The following FRY variants were observed in gnomAD, a reference collection of about 807,000 sequenced individuals.
FRY encodes protein furry homolog.
A neutral mutation model predicts 348.4 loss-of-function variants in FRY; 128 were observed. That is an observed-to-expected ratio of 0.37 (90% CI 0.32 to 0.43). The LOEUF (loss-of-function observed/expected upper bound fraction) is 0.43. Among genes scored for constraint, FRY ranks in the 20% least tolerant of loss-of-function variants. The pLI is 1.00. For synonymous variants in FRY, 1,370 were observed against 1,374.7 expected, an observed-to-expected ratio of 1.00 and a Z score of 0.08; for missense variants, 2,736 against 3,695.2, an observed-to-expected ratio of 0.74 and a Z score of 6.73.
At chr13:32,187,143 C>T (rs983943292) in intron 27 of FRY, among the ~76,000 whole-genome samples, 1 of 152,020 alleles carries the variant, frequency 6.6e-6, no homozygotes, top group South Asian at 2.1e-4. Context: ...CAGTTCAATA[C>T]GTTAGTCCAA....
chr13:32,193,298 C>T (rs548864951), intron 28 of FRY, among the ~76,000 whole-genome samples: 7 of 151,832 alleles, frequency 4.6e-5, no homozygotes, highest in African/African-American at 1.2e-4. Flanking sequence ...AACCAATCCT[C>T]ATAATCATAT....
At chr13:32,166,673 T>C (rs1446335977) in intron 17 of FRY, among the ~76,000 whole-genome samples, 1 of 150,628 alleles carries the variant, frequency 6.6e-6, no homozygotes, top group African/African-American at 2.4e-5. Context: ...GGCAGCCCTC[T>C]GCTTATATGC....
chr13:32,122,540 T>C (rs1022464496), intron 4 of FRY, among the ~76,000 whole-genome samples: 11 of 151,372 alleles, frequency 7.3e-5, no homozygotes, highest in African/African-American at 2.7e-4. Context: ...CATAACTTAA[T>C]GTAATAAAAG....
At chr13:32,195,258 G>A (rs1299633745) in intron 29 of FRY, among the ~76,000 whole-genome samples, 1 of 129,748 alleles carries the variant, frequency 7.7e-6, no homozygotes, top group Non-Finnish European at 1.7e-5. Context: ...ATTTTAATAT[G>A]CATAAAAGTT....
chr13:32,182,955 A>G lies in FRY; in HGVS notation c.2997-22A>G, dbSNP rs753191105. On this transcript the variant is annotated intron_variant, in intron 23 of 60. Coordinates refer to ENST00000542859, the MANE Select transcript of FRY (RefSeq NM_023037.3). ...TGGTGTCAAAAACAATGAATTTCAA[A>G]TTTGACCTTTTTCCTCCACAGAGAA... 3.2e-6 allele frequency: 5 copies of G among 1,539,136 alleles called. No individual in the cohort carries two copies. The East Asian group carries it at 1.1e-4, about 35-fold the overall frequency.
chr13:32,103,333 G>T (rs1204703781), intron 3 of FRY, among the ~76,000 whole-genome samples: 1 of 152,216 alleles, frequency 6.6e-6, no homozygotes, highest in Non-Finnish European at 1.5e-5. Context: ...GATGTTTGGG[G>T]TTACCATTTT....
chr13:32,275,572 TG>T (rs1888495134), intron 56 of FRY, among the ~76,000 whole-genome samples: 1 of 152,224 alleles, frequency 6.6e-6, no homozygotes. Context: ...TGATCTCTGA[TG>T]ACTCTGACTT....
chr13:32,162,770 C>G (rs1881524843), intron 17 of FRY, among the ~76,000 whole-genome samples: 4 of 152,184 alleles, frequency 2.6e-5, no homozygotes, highest in Admixed American at 2.6e-4. Context: ...CATCAGCAGC[C>G]TTCCAGCCGT....
chr13:32,188,401 G>A (rs1316625993), intron 28 of FRY, among the ~76,000 whole-genome samples: 1 of 152,064 alleles, frequency 6.6e-6, no homozygotes, highest in African/African-American at 2.4e-5. Flanking sequence ...AGCCAAATCA[G>A]AACTGTAAGA....
intron 27 of FRY, 84 bp downstream of exon 27, chr13:32,186,504 T>G: frequency 1.1e-6 from 1 of 888,808 alleles, no homozygotes; most frequent in Non-Finnish European, 1.9e-6. Context: ...AAAAATAAGC[T>G]TAAAATAAAT....
At chr13:32,251,769 T>G (rs2138510570) in intron 49 of FRY, 109 bp from the exon 50 acceptor site, 1 of 757,788 alleles carries the variant, frequency 1.3e-6, no homozygotes, top group Non-Finnish European at 2.5e-6. Context: ...TACATTTCAT[T>G]CTGTCTATAC....
intron 11 of FRY, among the ~76,000 whole-genome samples, chr13:32,141,815 G>C (rs778910591): frequency 6.6e-6 from 1 of 152,184 alleles, no homozygotes; most frequent in East Asian, 1.9e-4. Context: ...CATGTTATTA[G>C]ATAGGCTGAC....
intron 58 of FRY, among the ~76,000 whole-genome samples, chr13:32,281,027 C>T (rs1304305888): frequency 4.6e-5 from 7 of 152,156 alleles, no homozygotes; most frequent in African/African-American, 4.8e-5. Context: ...ATTTCCTATT[C>T]GTGCACCTCT....
In FRY at chr13:32,244,164, A is replaced by G. The variant is rs781490698; in HGVS notation, c.6810A>G (p.Thr2270=). Residue 2270 remains threonine, a synonymous_variant, in exon 47 of 61, where the codon ACA becomes ACG. Transcript: ENST00000542859. ...AGTTCAATGTGGAAGTTCTGAAGAC[A>G]ATTGAAAAATATGTGCAAGTGAGTA... ...VKQFNVEVLK[T]IEKYVQSVHW... 1 of 1,613,888 alleles carries G rather than the reference A, an allele frequency of 6.2e-7. No homozygotes were observed. Among genetic ancestry groups the G allele is most frequent in the East Asian group, 2.2e-5 (1 of 44,880 alleles).
chr13:32,202,133 C>T, intron 30 of FRY, 93 bp downstream of exon 30: 1 of 871,932 alleles, frequency 1.1e-6, no homozygotes, highest in Non-Finnish European at 2.0e-6. Context: ...TATTGATAGG[C>T]CTTTGTTTAT....
chr13:32,204,319 AG>A (rs1212599802), intron 31 of FRY, among the ~76,000 whole-genome samples: 3 of 53,896 alleles, frequency 5.6e-5, no homozygotes, highest in African/African-American at 2.2e-4. Flanking sequence ...ATTGTTTTAC[AG>A]ATGAGATGAG....
chr13:32,250,190 C>G (rs1887005632), intron 49 of FRY, among the ~76,000 whole-genome samples: 1 of 152,214 alleles, frequency 6.6e-6, no homozygotes, highest in Admixed American at 6.5e-5. Context: ...CTGCCAGATT[C>G]TCTGTAGTTC....
At chr13:32,046,156 T>A (rs1020666017) in intron 1 of FRY, among the ~76,000 whole-genome samples, 1 of 152,174 alleles carries the variant, frequency 6.6e-6, no homozygotes, top group Non-Finnish European at 1.5e-5. Context: ...GCCAGGAGAA[T>A]GAAAATGCTC....
At chr13:32,062,136 T>G (rs1387300715) in intron 1 of FRY, among the ~76,000 whole-genome samples, 1 of 152,098 alleles carries the variant, frequency 6.6e-6, no homozygotes, top group Non-Finnish European at 1.5e-5. Flanking sequence ...TTTTACCCCT[T>G]ACTTTTGTGG....
Sources: allele counts gnomAD v4.1 joint callset (sites outside exome capture counted in the v4.1 genomes callset), GRCh38; gene constraint gnomAD v4.1.1; transcripts MANE v1.5; gene names NCBI Gene and HGNC (gene_info 2026-07-23, HGNC 2026-07-21).